The following ASTN2 variants were observed in gnomAD, a reference collection of about 807,000 sequenced individuals.
ASTN2 encodes the protein astrotactin-2.
ASTN2 carries 54 observed loss-of-function variants against 139.8 expected under a neutral mutation model. That is an observed-to-expected ratio of 0.39 (90% confidence interval 0.31 to 0.48). The LOEUF is 0.48. Ranked by LOEUF, ASTN2 falls within the 20% of genes least tolerant of loss-of-function variation. ASTN2 has a pLI of 0.95. For synonymous variants in ASTN2, 756 were observed against 719.5 expected, an observed-to-expected ratio of 1.05 and a Z score of -0.81; for missense variants, 1,565 against 1,725.1, an observed-to-expected ratio of 0.91 and a Z score of 1.64.
intron 1 of ASTN2, among the ~76,000 whole-genome samples, chr9:117,362,405 G>C (rs533478725): frequency 6.6e-6 from 1 of 152,010 alleles, no homozygotes; most frequent in South Asian, 2.1e-4. Flanking sequence ...AAGTTATCTT[G>C]CCTGCAGCTT....
chr9:116,475,076 G>C (rs916291857), intron 20 of ASTN2, among the ~76,000 whole-genome samples: 4 of 152,168 alleles, frequency 2.6e-5, no homozygotes, highest in African/African-American at 4.8e-5. Context: ...GCCTAGATAA[G>C]AGTTCCCAAA....
At chr9:116,805,986 A>T (rs1588308419) in intron 12 of ASTN2, among the ~76,000 whole-genome samples, 166 bp from the exon 13 acceptor site, 1 of 152,238 alleles carries the variant, frequency 6.6e-6, no homozygotes, top group Admixed American at 6.5e-5. Context: ...AGAGAGAAGC[A>T]CATTAATACT....
At chr9:116,490,977 A>C (rs1849502065) in intron 19 of ASTN2, among the ~76,000 whole-genome samples, 1 of 152,238 alleles carries the variant, frequency 6.6e-6, no homozygotes, top group Non-Finnish European at 1.5e-5. Flanking sequence ...TAGTTCCATG[A>C]ATTTCAGAAT....
At chr9:116,578,886 A>G (rs1273804938) in intron 19 of ASTN2, 1 of 152,164 alleles carries the variant, frequency 6.6e-6, no homozygotes, top group Non-Finnish European at 1.5e-5. Context: ...TGGAAATTTC[A>G]TGCTTTAAAA....
intron 4 of ASTN2, among the ~76,000 whole-genome samples, chr9:117,136,768 G>T (rs1482428841): frequency 6.6e-6 from 1 of 152,180 alleles, no homozygotes; most frequent in African/African-American, 2.4e-5. Flanking sequence ...GGCAGGACTT[G>T]GATGACAGTG....
intron 1 of ASTN2, among the ~76,000 whole-genome samples, chr9:117,361,386 C>T (rs1368642741): frequency 6.7e-6 from 1 of 149,876 alleles, no homozygotes; most frequent in African/African-American, 2.5e-5. Flanking sequence ...GCTCCAACTC[C>T]ACCCTCATTA....
intron 5 of ASTN2, among the ~76,000 whole-genome samples, chr9:117,071,659 C>A (rs1360083547): frequency 1.3e-5 from 2 of 149,180 alleles, no homozygotes; most frequent in Non-Finnish European, 3.0e-5. Context: ...TAGCAATCAG[C>A]GAGATTCCGT....
chr9:116,995,734 C>T (rs1836994595), intron 7 of ASTN2, among the ~76,000 whole-genome samples: 1 of 152,154 alleles, frequency 6.6e-6, no homozygotes, highest in African/African-American at 2.4e-5. Flanking sequence ...GGAAAAAATC[C>T]ATTAACTGTG....
At chr9:117,119,454 C>G (rs1829485976) in intron 4 of ASTN2, among the ~76,000 whole-genome samples, 1 of 152,186 alleles carries the variant, frequency 6.6e-6, no homozygotes, top group African/African-American at 2.4e-5. Flanking sequence ...AGAAGGTAAA[C>G]TAGGGTGTGG....
chr9:116,963,846 AG>A (rs1312853130), intron 10 of ASTN2, among the ~76,000 whole-genome samples: 2 of 152,132 alleles, frequency 1.3e-5, no homozygotes, highest in Non-Finnish European at 2.9e-5. Flanking sequence ...GGTTGGGTGC[AG>A]TTGGGACATT....
chr9:117,115,797 A>G (rs1410825689), intron 4 of ASTN2, among the ~76,000 whole-genome samples: 3 of 152,040 alleles, frequency 2.0e-5, no homozygotes, highest in Non-Finnish European at 1.5e-5. Context: ...AGGCCAAGGC[A>G]GGAGGATCAC....
rs572032343 is a variant in ASTN2 at position 116,985,356 on chromosome 9, G to GTGA, written c.1592-8574_1592-8572dup. On this transcript the variant is annotated intron_variant, in intron 7 of 22. Coordinates refer to ENST00000313400, the MANE Select transcript of ASTN2 (RefSeq NM_001365068.1). ...TGAAAGGTTCTGGTGGCACAGGCTGGTGATCAGGTCTGATAAGAGATTAGA... is the reference window on the plus strand; with the variant it reads ...TGAAAGGTTCTGGTGGCACAGGCTGGTGATGATCAGGTCTGATAAGAGATTAGA... Among the ~76,000 whole-genome samples the GTGA allele has an allele frequency of 2.9e-4, 44 of 152,318 alleles. 1 individual carries two copies. The East Asian group carries it at 7.9e-3, about 27-fold the overall frequency.
chr9:116,815,951 T>C (rs995880692), intron 12 of ASTN2, among the ~76,000 whole-genome samples: 3 of 152,052 alleles, frequency 2.0e-5, no homozygotes, highest in African/African-American at 7.2e-5. Flanking sequence ...ACTACAACTT[T>C]CCTTTTCTCA....
chr9:116,795,437 A>G (rs1830665075), intron 13 of ASTN2, among the ~76,000 whole-genome samples: 1 of 152,244 alleles, frequency 6.6e-6, no homozygotes, highest in South Asian at 2.1e-4. Context: ...CAGAATGTTC[A>G]GACAGAAAAA....
At chr9:116,800,311 T>C (rs554446768) in intron 13 of ASTN2, among the ~76,000 whole-genome samples, 18 of 152,184 alleles carry the variant, frequency 1.2e-4, no homozygotes, top group Non-Finnish European at 2.6e-4. Context: ...TGTTTTTGTC[T>C]CTTTCTCCCT....
chr9:116,500,951 C>T lies in ASTN2; in HGVS notation c.3356-13451G>A, dbSNP rs181678262. 6.6e-4 allele frequency among the ~76,000 whole-genome samples: 101 copies of T among 152,284 alleles called. 1 individual carries two copies. Among genetic ancestry groups the T allele is most frequent in the African/African-American group, 2.2e-3 (93 of 41,566 alleles). On this transcript the variant is annotated intron_variant, in intron 19 of 22. Coordinates refer to ENST00000313400, the MANE Select transcript of ASTN2 (RefSeq NM_001365068.1). ...GTGAATTATCCTCATGTATTTAGCA[C>T]TTTTTGATCCTCCCAAACCAGAACT...
chr9:116,976,025 C>T, intron 9 of ASTN2, 89 bp downstream of exon 9: 1 of 1,277,060 alleles, frequency 7.8e-7, no homozygotes, highest in Non-Finnish European at 1.1e-6. Context: ...AGTGCACAGG[C>T]TCAATAGTCT....
chr9:117,377,327 T>G (rs1442441012), intron 1 of ASTN2, among the ~76,000 whole-genome samples: 1 of 152,192 alleles, frequency 6.6e-6, no homozygotes, highest in East Asian at 1.9e-4. Context: ...AACCCTGTTT[T>G]GGAAGCTATG....
chr9:117,361,539 T>G (rs1308982826), intron 1 of ASTN2, among the ~76,000 whole-genome samples: 1 of 152,176 alleles, frequency 6.6e-6, no homozygotes, highest in African/African-American at 2.4e-5. Context: ...ACTACAGGGT[T>G]GCAACACATT....
Sources: allele counts gnomAD v4.1 joint callset (sites outside exome capture counted in the v4.1 genomes callset), GRCh38; gene constraint gnomAD v4.1.1; transcripts MANE v1.5; gene names NCBI Gene and HGNC (gene_info 2026-07-23, HGNC 2026-07-21).